The following SCNN1B variants were observed in gnomAD, a reference collection of about 807,000 sequenced individuals.
SCNN1B encodes sodium channel epithelial 1 subunit beta, also known as epithelial sodium channel subunit beta.
Under a neutral mutation model 65.3 loss-of-function variants are expected in SCNN1B, and 46 were observed. The observed-to-expected ratio is 0.70, with a 90% CI of 0.56 to 0.90. The LOEUF (loss-of-function observed/expected upper bound fraction) is 0.90, where lower values mean the gene tolerates loss of function less well. Among genes scored for constraint, SCNN1B ranks in the 40% least tolerant of loss-of-function variants. The pLI, the probability that SCNN1B is intolerant of heterozygous loss-of-function variation, is 0.00. For missense variants in SCNN1B, 751 were observed against 830.5 expected (o/e 0.90, Z 1.18); for synonymous variants, 349 against 330.6 (o/e 1.06, Z -0.60).
chr16:23,319,002 C>T (rs1388952572), intron 1 of SCNN1B, among the ~76,000 whole-genome samples: 3 of 151,818 alleles, frequency 2.0e-5, no homozygotes, highest in African/African-American at 7.3e-5. Flanking sequence ...GAGGAGGAGT[C>T]CTGCAATCTG....
At chr16:23,343,083 A>G (rs1962085489) in intron 1 of SCNN1B, among the ~76,000 whole-genome samples, 1 of 152,200 alleles carries the variant, frequency 6.6e-6, no homozygotes, top group Non-Finnish European at 1.5e-5. Flanking sequence ...TGCAAAAACT[A>G]ACTTCAAATG....
At chr16:23,303,423 C>T (rs1961127783) in intron 1 of SCNN1B, among the ~76,000 whole-genome samples, 1 of 152,098 alleles carries the variant, frequency 6.6e-6, no homozygotes, top group South Asian at 2.1e-4. Context: ...CCGTGAGTGA[C>T]CCAACCTGCC....
intron 4 of SCNN1B, among the ~76,000 whole-genome samples, chr16:23,360,945 C>T (rs961847255): frequency 4.6e-5 from 7 of 152,140 alleles, no homozygotes; most frequent in African/African-American, 1.7e-4. Flanking sequence ...CAGGCAGCCG[C>T]CACCACAACC....
intron 8 of SCNN1B, 96 bp from the exon 9 acceptor site, chr16:23,377,069 A>G: frequency 6.5e-6 from 7 of 1,082,096 alleles, no homozygotes; most frequent in African/African-American, 1.6e-5. Flanking sequence ...CCACAGGGCC[A>G]GGAGAGCAGA....
rs1567284163 is a variant in SCNN1B at position 23,285,669 on chromosome 16, A to AAT, written n.178+1866_178+1867insTA. ...GTAAAAAAACAATAATAATAAAAAA[A>AAT]AATAATAAAAAATACAATAATAGTC... is the stretch of plus-strand genomic sequence containing the variant. On this transcript the variant is annotated intron_variant and non_coding_transcript_variant, in intron 2 of 3. Coordinates refer to the SCNN1B transcript ENST00000569789. Among the ~76,000 whole-genome samples the AAT allele has an allele frequency of 1.5e-3, 221 of 151,858 alleles. 1 individual carries two copies. The highest frequency in any genetic ancestry group is 5.1e-3 in the African/African-American group (213 of 41,398).
At chr16:23,367,829 C>T (rs72654337) in intron 4 of SCNN1B, 27 bp from the exon 5 acceptor site, 27 of 1,561,540 alleles carry the variant, frequency 1.7e-5, no homozygotes, top group Non-Finnish European at 2.3e-5. Context: ...GTGGAACCTG[C>T]CCTGCAGCTG....
intron 4 of SCNN1B, among the ~76,000 whole-genome samples, chr16:23,355,774 G>T (rs1962408230): frequency 6.6e-6 from 1 of 152,120 alleles, no homozygotes; most frequent in Admixed American, 6.6e-5. Context: ...TGTAGGAAAA[G>T]GAGAAAATAG....
In SCNN1B at chr16:23,371,808, C is replaced by T. The variant is rs1297791055; in HGVS notation, c.1077C>T (p.Ser359=). 4 of 1,614,184 alleles carry T rather than the reference C, an allele frequency of 2.5e-6. No homozygotes were observed. The South Asian group carries it at 3.3e-5, about 13-fold the overall frequency. ...TTCAGCGCATGGGGGAGCCCTACAG[C>T]CCGTGCACCGTGAATGGTTCTGAGG... ...DKLQRMGEPY[S]PCTVNGSEVP... is the part of the protein sequence containing the mutation. The change falls in exon 7 of 13, where the codon AGC becomes AGT. Residue 359 remains serine, a synonymous_variant. Coordinates refer to ENST00000343070, the MANE Select transcript of SCNN1B (RefSeq NM_000336.3).
chr16:23,305,382 G>A (rs527614529), intron 1 of SCNN1B, among the ~76,000 whole-genome samples: 319 of 150,986 alleles, frequency 2.1e-3, no homozygotes, highest in African/African-American at 7.3e-3. Context: ...GCCAGGCATG[G>A]TGGTTCACAC....
chr16:23,346,294 C>T (rs1402386334), intron 1 of SCNN1B, among the ~76,000 whole-genome samples: 1 of 135,360 alleles, frequency 7.4e-6, no homozygotes, highest in Non-Finnish European at 1.5e-5. Context: ...TCAGTGCAAT[C>T]TCGGCTCACT....
chr16:23,378,490 C>T (rs758561819), intron 10 of SCNN1B, among the ~76,000 whole-genome samples: 9 of 152,114 alleles, frequency 5.9e-5, no homozygotes, highest in Non-Finnish European at 1.2e-4. Context: ...TGGCCAGGCC[C>T]GCCGAGGAAG....
chr16:23,346,517 TG>T (rs1248625822), intron 1 of SCNN1B, among the ~76,000 whole-genome samples: 5 of 152,124 alleles, frequency 3.3e-5, no homozygotes, highest in Admixed American at 2.6e-4. Flanking sequence ...CCACCGCACC[TG>T]GCTGGAATGC....
At chr16:23,346,686 C>T (rs1962196513) in intron 1 of SCNN1B, among the ~76,000 whole-genome samples, 1 of 141,228 alleles carries the variant, frequency 7.1e-6, no homozygotes, top group Non-Finnish European at 1.5e-5. Context: ...CCTGCAGGCT[C>T]CCTCCCCACC....
In SCNN1B at chr16:23,375,758, C is replaced by G. The variant is rs763654234; in HGVS notation, c.1173C>G (p.Phe391Leu). 1 of 1,613,984 alleles carries G rather than the reference C, an allele frequency of 6.2e-7. No homozygotes were observed. Among genetic ancestry groups the G allele is most frequent in the East Asian group, 2.2e-5 (1 of 44,896 alleles). ...CCCAGGCCTGTCTTCGCTCCTGCTTCCAAGACCACATGATCCGTAACTGCA... is the reference window on the plus strand; with the variant it reads ...CCCAGGCCTGTCTTCGCTCCTGCTTGCAAGACCACATGATCCGTAACTGCA... ...YSIQACLRSC[F>L]QDHMIRNCNC... The change falls in exon 8 of 13, where the codon TTC (phenylalanine) becomes TTG (leucine). Residue 391 changes from phenylalanine to leucine, a missense_variant. Physicochemically the swap from Phe to Leu is conservative, Grantham distance 22. Transcript: ENST00000343070.
intron 1 of SCNN1B, among the ~76,000 whole-genome samples, chr16:23,306,883 C>A (rs73542337): frequency 6.6e-6 from 1 of 152,002 alleles, no homozygotes; most frequent in African/African-American, 2.4e-5. Context: ...GCTGTGATGG[C>A]GCGTGAGGCA....
At chr16:23,358,342 G>A (rs186608250) in intron 4 of SCNN1B, 1 of 152,174 alleles carries the variant, frequency 6.6e-6, no homozygotes, top group Admixed American at 6.6e-5. Flanking sequence ...GGGGTAGGGG[G>A]TAAGTGTAAT....
chr16:23,289,577 C>G (rs1162624949), intron 2 of SCNN1B, among the ~76,000 whole-genome samples: 3 of 151,702 alleles, frequency 2.0e-5, no homozygotes, highest in African/African-American at 4.8e-5. Flanking sequence ...AAATCCCTCC[C>G]CAACCTCAAA....
chr16:23,322,675 A>G (rs1407224343), intron 1 of SCNN1B, among the ~76,000 whole-genome samples: 1 of 152,220 alleles, frequency 6.6e-6, no homozygotes, highest in Non-Finnish European at 1.5e-5. Flanking sequence ...AACTAATTTT[A>G]TTAATATATT....
At chr16:23,299,871 G>T (rs1440075955), upstream of SCNN1B, among the ~76,000 whole-genome samples, 1 of 152,194 alleles carries the variant, frequency 6.6e-6, no homozygotes, top group Non-Finnish European at 1.5e-5. Flanking sequence ...AAATCATGCT[G>T]CTATAAAGAC....
Sources: allele counts gnomAD v4.1 joint callset (sites outside exome capture counted in the v4.1 genomes callset), GRCh38; gene constraint gnomAD v4.1.1; transcripts MANE v1.5; gene names NCBI Gene and HGNC (gene_info 2026-07-23, HGNC 2026-07-21).